The following RBPJ variants were observed in gnomAD, a reference collection of about 807,000 sequenced individuals.
RBPJ encodes recombination signal binding protein for immunoglobulin kappa J region, also known as recombining binding protein suppressor of hairless.
A neutral mutation model predicts 67.8 loss-of-function variants in RBPJ; 9 were observed. The observed-to-expected ratio is 0.13, with a 90% confidence interval of 0.08 to 0.23. RBPJ has a LOEUF of 0.23. Among genes scored for constraint, RBPJ ranks in the 10% least tolerant of loss-of-function variants. The pLI, the probability that RBPJ is intolerant of heterozygous loss-of-function variation, is 1.00. For missense variants in RBPJ, 305 were observed against 595.6 expected, an observed-to-expected ratio of 0.51 and a Z score of 5.08; for synonymous variants, 198 against 203.3, an observed-to-expected ratio of 0.97 and a Z score of 0.22.
At chr4:26,141,750 CCTGT>C in the RBPJ span, among the ~76,000 whole-genome samples, 1 of 152,178 alleles carries the variant, frequency 6.6e-6, no homozygotes, top group Non-Finnish European at 1.5e-5. Context: ...GCTCATTTCT[CCTGT>C]CTAGCTGTAA....
rs61575988 is a variant in RBPJ, at chr4:26,407,883, C to CTTTTTTTTT, written c.155+1634_155+1642dup. ...TGAAAAGAGGGGTAAAGCTTTCTTT[C>CTTTTTTTTT]TTTTTTTTTTTTTTTTTTTTTTTTT... is the stretch of plus-strand genomic sequence containing the variant. On this transcript the variant is annotated intron_variant, in intron 3 of 10. Transcript: ENST00000355476. Among the ~76,000 whole-genome samples the CTTTTTTTTT allele has an allele frequency of 6.9e-4, 44 of 63,630 alleles. 5 individuals carry two copies. Among genetic ancestry groups the CTTTTTTTTT allele is most frequent in the African/African-American group, 2.5e-3 (38 of 15,132 alleles). The allele number at this position is 63,630 out of a possible 152,430, so 41.7% of individuals were successfully genotyped here. A position where few individuals can be genotyped will look rare whatever the true frequency, so the allele number is the denominator to read the frequency against.
At chr4:26,206,855 T>G (rs1254306354) in intron 1 of RBPJ, among the ~76,000 whole-genome samples, 1 of 152,112 alleles carries the variant, frequency 6.6e-6, no homozygotes, top group African/African-American at 2.4e-5. Flanking sequence ...TCTTTTTTTT[T>G]CTGAATTCTG....
chr4:26,416,533 C>G (rs1389140852), intron 4 of RBPJ, among the ~76,000 whole-genome samples: 1 of 152,130 alleles, frequency 6.6e-6, no homozygotes, highest in East Asian at 1.9e-4. Flanking sequence ...TCCAGCCAAT[C>G]TATACTTTTA....
intron 2 of RBPJ, among the ~76,000 whole-genome samples, chr4:26,403,308 T>G (rs1430751986): frequency 6.6e-6 from 1 of 152,108 alleles, no homozygotes; most frequent in East Asian, 1.9e-4. Flanking sequence ...TTTTTTATAC[T>G]TAAAGGTTTA....
intron 3 of RBPJ, among the ~76,000 whole-genome samples, chr4:26,412,588 G>A (rs1404175509): frequency 6.6e-6 from 1 of 151,970 alleles, no homozygotes; most frequent in Non-Finnish European, 1.5e-5. Flanking sequence ...AACAATCCAA[G>A]GTCTGGGGAA....
chr4:26,222,452 G>A (rs1489160241), intron 1 of RBPJ, among the ~76,000 whole-genome samples: 5 of 141,194 alleles, frequency 3.5e-5, no homozygotes, highest in Admixed American at 1.5e-4. Context: ...CCAAGATGGC[G>A]CCACTGCACT....
intron 1 of RBPJ, among the ~76,000 whole-genome samples, chr4:26,385,442 G>A (rs182874641): frequency 6.4e-4 from 98 of 152,246 alleles, no homozygotes; most frequent in African/African-American, 2.3e-3. Context: ...AGTAACTTCA[G>A]GGTTACACAG....
chr4:26,353,991 C>T (rs1229692368), intron 1 of RBPJ, among the ~76,000 whole-genome samples: 1 of 142,252 alleles, frequency 7.0e-6, no homozygotes, highest in Non-Finnish European at 1.5e-5. Flanking sequence ...AGTGCAGTGG[C>T]GTGATCTCGG....
At chr4:26,170,419 A>C (rs1272805343) in intron 1 of RBPJ, among the ~76,000 whole-genome samples, 4 of 151,894 alleles carry the variant, frequency 2.6e-5, no homozygotes, top group African/African-American at 9.7e-5. Context: ...TGCATGCCTG[A>C]AGTCCCAGCT....
At chr4:26,417,192 T>C (rs1466902906) in intron 4 of RBPJ, among the ~76,000 whole-genome samples, 1 of 152,242 alleles carries the variant, frequency 6.6e-6, no homozygotes, top group South Asian at 2.1e-4. Flanking sequence ...GCTACCTGTG[T>C]GTATAACTGT....
chr4:26,329,943 C>A (rs1398238501), intron 1 of RBPJ, among the ~76,000 whole-genome samples: 1 of 151,618 alleles, frequency 6.6e-6, no homozygotes, highest in African/African-American at 2.4e-5. Context: ...ATAGTAGGTG[C>A]TCAATAAATA....
intron 1 of RBPJ, among the ~76,000 whole-genome samples, chr4:26,200,503 T>C (rs1326117966): frequency 6.6e-6 from 1 of 151,976 alleles, no homozygotes. Context: ...ACCCTGTGTC[T>C]ACAAAAAATA....
chr4:26,280,623 GT>G (rs1412270922), intron 1 of RBPJ, among the ~76,000 whole-genome samples: 2 of 152,084 alleles, frequency 1.3e-5, no homozygotes, highest in Non-Finnish European at 2.9e-5. Flanking sequence ...TAATGAAAAA[GT>G]TCTGGAAATA....
chr4:26,298,084 C>T (rs1441940412), intron 1 of RBPJ, among the ~76,000 whole-genome samples: 1 of 152,090 alleles, frequency 6.6e-6, no homozygotes, highest in African/African-American at 2.4e-5. Flanking sequence ...TTTAATTCAC[C>T]TGAACCACCA....
rs142229227 is a variant in RBPJ at position 26,376,514 on chromosome 4, T to C, written c.21-9839T>C. On this transcript the variant is annotated intron_variant, in intron 1 of 10. Transcript: ENST00000355476. Reference sequence around the variant, plus strand: ...ATGTATGTATGTACCACATTTTTGTTATCCATTTGTTCATTGTCAGTGTAC... The same window carrying C: ...ATGTATGTATGTACCACATTTTTGTCATCCATTTGTTCATTGTCAGTGTAC... Among the ~76,000 whole-genome samples the C allele has an allele frequency of 2.6e-3, 403 of 152,384 alleles. 5 individuals are homozygous for C. Among genetic ancestry groups the C allele is most frequent in the African/African-American group, 9.4e-3 (389 of 41,596 alleles).
chr4:26,401,157 T>G (rs576180164), intron 2 of RBPJ, among the ~76,000 whole-genome samples: 1 of 152,366 alleles, frequency 6.6e-6, no homozygotes, highest in South Asian at 2.1e-4. Flanking sequence ...TGGGACTAAC[T>G]TACTTTAAAG....
chr4:26,128,570 G>A, the RBPJ span, among the ~76,000 whole-genome samples: 1 of 152,182 alleles, frequency 6.6e-6, no homozygotes, highest in Admixed American at 6.5e-5. Flanking sequence ...CCCACACTTT[G>A]TAAATGGATT....
intron 1 of RBPJ, chr4:26,362,370 G>T: frequency 1.2e-6 from 1 of 820,714 alleles, no homozygotes; most frequent in Non-Finnish European, 1.7e-6. Context: ...TCTTAGTCAT[G>T]GCAGCAGTTA....
intron 1 of RBPJ, among the ~76,000 whole-genome samples, chr4:26,337,220 C>T (rs1380836208): frequency 6.6e-6 from 1 of 151,866 alleles, no homozygotes; most frequent in African/African-American, 2.4e-5. Context: ...GTCCTCCTGC[C>T]TTGGCCTCCC....
Sources: allele counts gnomAD v4.1 joint callset (sites outside exome capture counted in the v4.1 genomes callset), GRCh38; gene constraint gnomAD v4.1.1; transcripts MANE v1.5; gene names NCBI Gene and HGNC (gene_info 2026-07-23, HGNC 2026-07-21).